Variants in PTPRD observed in about 807,000 individuals in gnomAD.
The protein encoded by PTPRD is protein tyrosine phosphatase receptor type D, also known as receptor-type tyrosine-protein phosphatase delta.
Under a neutral mutation model 214.5 loss-of-function variants are expected in PTPRD, and 34 were observed. The ratio of observed to expected loss-of-function variants is 0.16; its 90% CI spans 0.12 to 0.21. PTPRD has a LOEUF of 0.21. Ranked by LOEUF, PTPRD falls within the 10% of genes least tolerant of loss-of-function variation. The probability of loss-of-function intolerance (pLI) is 1.00; values close to 1 mark genes in which losing one functional copy is unlikely to be tolerated. For synonymous variants in PTPRD, 1,128 were observed against 845.7 expected, an observed-to-expected ratio of 1.33 and a Z score of -5.79; for missense variants, 2,545 against 2,398.7, an observed-to-expected ratio of 1.06 and a Z score of -1.27.
intron 3 of PTPRD, among the ~76,000 whole-genome samples, chr9:10,300,927 C>A (rs1021263358): frequency 1.1e-4 from 17 of 152,150 alleles, no homozygotes; most frequent in Admixed American, 9.8e-4. Flanking sequence ...AAGGGTCAGA[C>A]TGCCTCCTCA....
At chr9:8,930,579 C>T (rs2098945694) in intron 11 of PTPRD, among the ~76,000 whole-genome samples, 1 of 152,174 alleles carries the variant, frequency 6.6e-6, no homozygotes, top group African/African-American at 2.4e-5. Context: ...GTCCCACCAA[C>T]AGTGTAAAAG....
intron 11 of PTPRD, among the ~76,000 whole-genome samples, chr9:8,805,717 T>C (rs2096663416): frequency 6.6e-6 from 1 of 151,266 alleles, no homozygotes; most frequent in African/African-American, 2.4e-5. Context: ...ATTCTCCTGC[T>C]GGGCACGGTG....
intron 2 of PTPRD, among the ~76,000 whole-genome samples, chr9:10,606,426 G>A (rs530491936): frequency 6.6e-6 from 1 of 151,706 alleles, no homozygotes; most frequent in African/African-American, 2.4e-5. Flanking sequence ...AAGGATGCTA[G>A]CTTATGTGAG....
rs2138529682 is a variant in PTPRD, at chr9:8,518,155, G to C, written c.1236C>G (p.Thr412=). 6.2e-7 allele frequency: 1 copy of C among 1,614,156 alleles called. No individual in the cohort carries two copies. The highest frequency in any genetic ancestry group is 2.2e-5 in the East Asian group (1 of 44,870). The change falls in exon 21 of 46, where the codon ACC becomes ACG. Residue 412 remains threonine, a synonymous_variant. Coordinates refer to ENST00000381196, the MANE Select transcript of PTPRD (RefSeq NM_002839.4). Reference sequence around the variant, plus strand: ...GGGCACTGGATGGTGCTTGCTCTGAGGTTTGTGTTAGCACAGGTTCGCTGG... The same window carrying C: ...GGGCACTGGATGGTGCTTGCTCTGACGTTTGTGTTAGCACAGGTTCGCTGG... The part of the protein sequence containing the change: ...GPPSEPVLTQ[T]SEQAPSSAPR...
At chr9:9,526,574 T>A (rs2074174208) in intron 8 of PTPRD, among the ~76,000 whole-genome samples, 1 of 152,190 alleles carries the variant, frequency 6.6e-6, no homozygotes. Context: ...TGATAGAAAG[T>A]TATCAGAAAT....
At chr9:8,785,879 G>A (rs2095930368) in intron 11 of PTPRD, among the ~76,000 whole-genome samples, 1 of 152,194 alleles carries the variant, frequency 6.6e-6, no homozygotes, top group South Asian at 2.1e-4. Flanking sequence ...ATTACAGATG[G>A]TTTTTAAAAG....
chr9:9,366,214 T>C (rs955783839), intron 9 of PTPRD, among the ~76,000 whole-genome samples: 1 of 151,588 alleles, frequency 6.6e-6, no homozygotes. Context: ...ATTTATTAGG[T>C]TGCATAACCG....
At chr9:8,524,855 G>A (rs907165642) in intron 18 of PTPRD, 70 bp downstream of exon 18, 31 of 1,247,394 alleles carry the variant, frequency 2.5e-5, no homozygotes, top group Admixed American at 6.7e-5. Flanking sequence ...ATAACAACAC[G>A]GACCCTGCGG....
At chr9:9,414,355 T>C (rs1041462479) in intron 8 of PTPRD, among the ~76,000 whole-genome samples, 1 of 152,186 alleles carries the variant, frequency 6.6e-6, no homozygotes, top group Non-Finnish European at 1.5e-5. Context: ...AGAGGCAAGA[T>C]TGGCAAGGAT....
chr9:8,619,196 T>C (rs1331891194), intron 14 of PTPRD, among the ~76,000 whole-genome samples: 3 of 152,090 alleles, frequency 2.0e-5, no homozygotes, highest in African/African-American at 4.8e-5. Flanking sequence ...GTTACCACTT[T>C]TGTGTTTGAG....
rs148293210 is a variant in PTPRD at position 10,570,270 on chromosome 9, T to C, written c.-600+42128A>G. 6.7e-3 allele frequency among the ~76,000 whole-genome samples: 1,020 copies of C among 152,190 alleles called. 9 individuals are homozygous for C. The highest frequency in any genetic ancestry group is 0.048 in the Middle Eastern group (14 of 294). ...TCTTGTTTGACCATTCAAGTAATAA[T>C]ACATTATCAGACTAAACTCATTAAG... On this transcript the variant is annotated intron_variant, in intron 2 of 45. Transcript: ENST00000381196.
At position 8,341,869 on chromosome 9, in the gene PTPRD, G is replaced by A. The variant is rs2132513111; in HGVS notation, c.4771C>T (p.Gln1591Ter). 1 of 1,613,306 alleles carries A rather than the reference G, an allele frequency of 6.2e-7. No homozygotes were observed. The highest frequency in any genetic ancestry group is 8.5e-7 in the Non-Finnish European group (1 of 1,179,638). The change falls in exon 40 of 46, where the codon CAG becomes TAG. Residue 1591 changes from glutamine to a stop codon, truncating the protein, a stop_gained. Coordinates refer to ENST00000381196, the MANE Select transcript of PTPRD (RefSeq NM_002839.4). LOFTEE classifies it high-confidence loss of function. ...TCTGTTTGAACCATATAGTTCCTCT[G>A]GGCTCTCATTAAAGTTACATGGCCA... ...IYGHVTLMRA[Q>*]RNYMVQTEDQ...
chr9:10,407,530 G>T (rs1439879846), intron 2 of PTPRD, among the ~76,000 whole-genome samples: 1 of 151,390 alleles, frequency 6.6e-6, no homozygotes, highest in East Asian at 2.0e-4. Flanking sequence ...AACAGCTTTC[G>T]GCACACCAAA....
chr9:9,126,236 A>G (rs1298907861), intron 10 of PTPRD, among the ~76,000 whole-genome samples: 1 of 152,228 alleles, frequency 6.6e-6, no homozygotes, highest in East Asian at 1.9e-4. Context: ...CAGAAAATAC[A>G]CTGAAGCTAA....
intron 7 of PTPRD, among the ~76,000 whole-genome samples, chr9:9,679,953 A>G (rs944311399): frequency 4.6e-5 from 7 of 151,928 alleles, no homozygotes; most frequent in African/African-American, 1.2e-4. Context: ...CAAAACTGCC[A>G]TAAGTGTATT....
At chr9:9,009,486 T>G (rs2099498868) in intron 11 of PTPRD, among the ~76,000 whole-genome samples, 1 of 152,058 alleles carries the variant, frequency 6.6e-6, no homozygotes, top group Non-Finnish European at 1.5e-5. Context: ...TAGGTAAATG[T>G]GTGCCATAGG....
intron 8 of PTPRD, among the ~76,000 whole-genome samples, chr9:9,544,901 T>G (rs997625239): frequency 6.6e-6 from 1 of 151,772 alleles, no homozygotes; most frequent in Non-Finnish European, 1.5e-5. Flanking sequence ...ACATTTCTAG[T>G]TGGGATGGGT....
chr9:10,297,436 A>G (rs1484341285), intron 3 of PTPRD, among the ~76,000 whole-genome samples: 1 of 151,962 alleles, frequency 6.6e-6, no homozygotes, highest in Non-Finnish European at 1.5e-5. Flanking sequence ...AAGAAAAAGC[A>G]GAGGTTAGGC....
chr9:9,718,315 A>G (rs1438629739), intron 7 of PTPRD, among the ~76,000 whole-genome samples: 1 of 152,230 alleles, frequency 6.6e-6, no homozygotes, highest in African/African-American at 2.4e-5. Flanking sequence ...AATTGTATGC[A>G]TTGAAGTAAA....
Sources: gnomAD v4.1 joint callset for allele counts (sites outside exome capture counted in the v4.1 genomes callset) on GRCh38, gnomAD v4.1.1 for gene constraint, MANE v1.5 for transcripts, NCBI Gene and HGNC (gene_info 2026-07-23, HGNC 2026-07-21) for gene names.